Variants in MYO1H observed in about 807,000 individuals in gnomAD.
MYO1H encodes the protein unconventional myosin-Ih.
A neutral mutation model predicts 149.3 loss-of-function variants in MYO1H; 118 were observed. That is an observed-to-expected ratio of 0.79 (90% CI 0.68 to 0.92). MYO1H has a LOEUF of 0.92. Among genes scored for constraint, MYO1H ranks in the 40% least tolerant of loss-of-function variants. The pLI is 0.00. For missense variants in MYO1H, 1,212 were observed against 1,280.7 expected (o/e 0.95, Z 0.82); for synonymous variants, 447 against 465.2 (o/e 0.96, Z 0.50).
intron 1 of MYO1H, among the ~76,000 whole-genome samples, chr12:109,368,640 T>TAAAAAAAAAAAAA (rs56146617): frequency 8.8e-6 from 1 of 113,212 alleles, no homozygotes; most frequent in Non-Finnish European, 1.8e-5. Context: ...GACTCCATCT[T>TAAAAAAAAAAAAA]AAAAAAAAAA....
At chr12:109,320,670 G>C in the MYO1H span, among the ~76,000 whole-genome samples, 1 of 148,498 alleles carries the variant, frequency 6.7e-6, no homozygotes, top group Admixed American at 6.7e-5. Context: ...GTGAAGAAAA[G>C]TAAGCTGAGT....
intron 1 of MYO1H, among the ~76,000 whole-genome samples, chr12:109,370,198 T>G (rs1349727093): frequency 1.3e-5 from 2 of 152,190 alleles, no homozygotes; most frequent in African/African-American, 4.8e-5. Context: ...ATTTCTGTCT[T>G]GCCAATGTAG....
intron 1 of MYO1H, among the ~76,000 whole-genome samples, chr12:109,357,861 C>G (rs181279818): frequency 6.6e-6 from 1 of 150,624 alleles, no homozygotes; most frequent in East Asian, 1.9e-4. Flanking sequence ...TTCTCCCAAC[C>G]ATTTCTCATG....
chr12:109,369,711 C>A (rs966682230), intron 1 of MYO1H, among the ~76,000 whole-genome samples: 1 of 152,196 alleles, frequency 6.6e-6, no homozygotes, highest in Non-Finnish European at 1.5e-5. Flanking sequence ...TTTGCCTATG[C>A]ATTGGCCAGT....
At chr12:109,342,459 T>A in the MYO1H span, among the ~76,000 whole-genome samples, 1 of 149,394 alleles carries the variant, frequency 6.7e-6, no homozygotes. Flanking sequence ...TTTTTTTTAA[T>A]GTATATATTC....
chr12:109,343,311 T>C (rs2048092439), upstream of MYO1H, among the ~76,000 whole-genome samples: 1 of 152,182 alleles, frequency 6.6e-6, no homozygotes, highest in South Asian at 2.1e-4. Context: ...CCAGATAAAC[T>C]TCTGTGTAGA....
At chr12:109,376,182 A>G (rs780022147) in intron 1 of MYO1H, among the ~76,000 whole-genome samples, 26 of 152,198 alleles carry the variant, frequency 1.7e-4, no homozygotes, top group Non-Finnish European at 2.8e-4. Flanking sequence ...GAGTTACACA[A>G]CCATCAACAC....
chr12:109,346,662 T>C (rs2048103607), upstream of MYO1H, among the ~76,000 whole-genome samples: 1 of 151,986 alleles, frequency 6.6e-6, no homozygotes, highest in Non-Finnish European at 1.5e-5. Flanking sequence ...CTCAGGAGGC[T>C]GAGGCAGGAG....
intron 1 of MYO1H, among the ~76,000 whole-genome samples, chr12:109,388,021 C>T (rs1566023286): frequency 6.6e-6 from 1 of 152,194 alleles, no homozygotes; most frequent in African/African-American, 2.4e-5. Context: ...TCTCCAGTGA[C>T]ATCTGAAGCC....
At chr12:109,447,935 A>G (rs1462612353) in exon 32 of MYO1H, 1 of 152,302 alleles carries the variant, frequency 6.6e-6, no homozygotes, top group Non-Finnish European at 1.5e-5. Context: ...AATAAATGCC[A>G]CAGCGCAAAA....
chr12:109,339,082 C>T, the MYO1H span, among the ~76,000 whole-genome samples: 4 of 152,038 alleles, frequency 2.6e-5, no homozygotes, highest in East Asian at 3.9e-4. Flanking sequence ...TTAACATTTC[C>T]GGCCAGGTGC....
At chr12:109,436,489 T>A in exon 22 of MYO1H, 1 of 1,608,762 alleles carries the variant, frequency 6.2e-7, no homozygotes. Context: ...TATTTTAAGT[T>A]GCAAGAATCC....
At chr12:109,328,247 A>G in the MYO1H span, among the ~76,000 whole-genome samples, 14 of 152,102 alleles carry the variant, frequency 9.2e-5, no homozygotes, top group African/African-American at 3.4e-4. Context: ...AGGTATTACC[A>G]AGTGAACAAT....
intron 1 of MYO1H, among the ~76,000 whole-genome samples, chr12:109,372,245 T>TATTTCA (rs1868997964): frequency 6.6e-6 from 1 of 152,130 alleles, no homozygotes; most frequent in Non-Finnish European, 1.5e-5. Context: ...TGTACTTTCC[T>TATTTCA]TTCATTATTT....
the MYO1H span, among the ~76,000 whole-genome samples, chr12:109,318,974 T>TTTTTTTGTTTTTTTTG: frequency 1.2e-5 from 1 of 83,404 alleles, no homozygotes; most frequent in Non-Finnish European, 2.2e-5. Context: ...TTGGTTTTGT[T>TTTTTTTGTTTTTTTTG]TTTTTTTTTT....
the MYO1H span, among the ~76,000 whole-genome samples, chr12:109,338,413 C>G: frequency 3.3e-5 from 5 of 152,150 alleles, no homozygotes; most frequent in South Asian, 2.1e-4. Flanking sequence ...TCTGACCACC[C>G]CTGTCTCTCC....
Position 109,436,473 on chromosome 12 carries a change from C to A in MYO1H, c.2141-15C>A, listed in dbSNP as rs1871863434. The A allele has an allele frequency of 6.2e-7, 1 of 1,601,398 alleles. No individual in the cohort carries two copies. The highest frequency in any genetic ancestry group is 8.5e-7 in the Non-Finnish European group (1 of 1,171,992). On this transcript the variant is annotated splice_polypyrimidine_tract_variant and intron_variant, in intron 21 of 31. Coordinates refer to ENST00000310903, the Ensembl canonical transcript of MYO1H. ...ATGCAAAGCCATTTCACCAAAACGT[C>A]TGTTTTATTTTAAGTTGCAAGAATC...
rs960538875 is a variant in MYO1H, at chr12:109,436,475, G to GT, written c.2141-9dup. On this transcript the variant is annotated splice_polypyrimidine_tract_variant and intron_variant, in intron 21 of 31. Coordinates refer to ENST00000310903, the Ensembl canonical transcript of MYO1H. ...GCAAAGCCATTTCACCAAAACGTCT[G>GT]TTTTATTTTAAGTTGCAAGAATCCA... 14 of 1,603,882 alleles carry GT rather than the reference G, an allele frequency of 8.7e-6. No individual in the cohort carries two copies. In the Admixed American group the frequency reaches 1.9e-4, roughly 21 times the overall value.
At chr12:109,376,188 A>ACAGAGTT (rs1869084531) in intron 1 of MYO1H, among the ~76,000 whole-genome samples, 1 of 152,214 alleles carries the variant, frequency 6.6e-6, no homozygotes, top group African/African-American at 2.4e-5. Flanking sequence ...CACAACCATC[A>ACAGAGTT]ACACAATCAA....
Sources: gnomAD v4.1 joint callset for allele counts (sites outside exome capture counted in the v4.1 genomes callset) on GRCh38, gnomAD v4.1.1 for gene constraint, MANE v1.5 for transcripts, NCBI Gene and HGNC (gene_info 2026-07-23, HGNC 2026-07-21) for gene names.